Variants in STYXL1 observed in about 807,000 individuals in gnomAD.
STYXL1 encodes serine/threonine/tyrosine-interacting-like protein 1.
STYXL1 carries 32 observed loss-of-function variants against 36.4 expected under a neutral mutation model. That is an observed-to-expected ratio of 0.88 (90% CI 0.66 to 1.18). The LOEUF (loss-of-function observed/expected upper bound fraction) is 1.18. Among genes scored for constraint, STYXL1 ranks in the 50% most tolerant of loss-of-function variants. STYXL1 has a pLI of 0.00. For synonymous variants in STYXL1, 133 were observed against 144.1 expected, an observed-to-expected ratio of 0.92 and a Z score of 0.55; for missense variants, 354 against 394.1, an observed-to-expected ratio of 0.90 and a Z score of 0.86.
Position 76,035,330 on chromosome 7 carries a change from T to C in STYXL1, c.-4-4803A>G, listed in dbSNP as rs1188679586. 3.8e-5 allele frequency among the ~76,000 whole-genome samples: 5 copies of C among 130,646 alleles called. 1 individual carries two copies. Among genetic ancestry groups the C allele is most frequent in the African/African-American group, 1.3e-4 (5 of 37,880 alleles). 85.7% of individuals were successfully genotyped at this position (130,646 alleles called of 152,430 possible). Reference sequence around the variant, plus strand: ...TCTTTAAAATCTGAGTAGGGCCTTGTCTTCACCTCACTATCACCTGAAGTT... The same window carrying C: ...TCTTTAAAATCTGAGTAGGGCCTTGCCTTCACCTCACTATCACCTGAAGTT... On this transcript the variant is annotated intron_variant, in intron 1 of 8. Transcript: ENST00000359697.
chr7:76,034,841 C>CT (rs1554580390), intron 1 of STYXL1, among the ~76,000 whole-genome samples: 1 of 152,166 alleles, frequency 6.6e-6, no homozygotes, highest in Non-Finnish European at 1.5e-5. Flanking sequence ...GACCAACACT[C>CT]TAAGACCTAG....
chr7:76,022,051 G>A, intron 3 of STYXL1, 59 bp from the exon 4 acceptor site: 1 of 1,577,824 alleles, frequency 6.3e-7, no homozygotes. Flanking sequence ...GTTCGGTTGA[G>A]CAGAGACTCC....
chr7:76,000,884 G>A lies in STYXL1; in HGVS notation c.810+6C>T, dbSNP rs1052019892. 2.4e-5 allele frequency: 38 copies of A among 1,611,796 alleles called. No homozygotes were observed. The East Asian group carries it at 2.5e-4, about 10-fold the overall frequency. On this transcript the variant is annotated splice_donor_region_variant and intron_variant, in intron 8 of 8. Coordinates refer to ENST00000359697, the MANE Select transcript of STYXL1 (RefSeq NM_001317785.2). Reference sequence around the variant, plus strand: ...GTGGTGCGAGCCTGGCCCGGGGAACGCATACCTGCAAGGTCTGCTCGTTAC... The same window carrying A: ...GTGGTGCGAGCCTGGCCCGGGGAACACATACCTGCAAGGTCTGCTCGTTAC...
At chr7:76,026,579 G>T (rs555015032) in intron 3 of STYXL1, among the ~76,000 whole-genome samples, 1 of 152,214 alleles carries the variant, frequency 6.6e-6, no homozygotes, top group East Asian at 1.9e-4. Context: ...TCCATGCCCC[G>T]CCCAAAATTT....
In STYXL1 at chr7:76,028,697, C is replaced by A. The variant is rs181545305; in HGVS notation, c.110G>T (p.Arg37Leu). The A allele has an allele frequency of 2.5e-5, 41 of 1,613,916 alleles. No individual in the cohort carries two copies. Among genetic ancestry groups the A allele is most frequent in the Non-Finnish European group, 3.4e-5 (40 of 1,179,946 alleles). Residue 37 changes from arginine to leucine, a missense_variant, in exon 3 of 9, where the codon CGT (arginine) becomes CTT (leucine). Transcript: ENST00000359697. Reference sequence around the variant, plus strand: ...GCTTTCGTCATACTCCCATTTGGAACGGACATCTGGAAAGGAAACGTATTT... The same window carrying A: ...GCTTTCGTCATACTCCCATTTGGAAAGGACATCTGGAAAGGAAACGTATTT... ...DPNYLCLLDV[R>L]SKWEYDESHV... is the part of the protein sequence containing the mutation.
In STYXL1 at chr7:76,013,791, G is replaced by C. The variant is rs1554572994; in HGVS notation, c.404C>G (p.Ser135Ter). 2 of 1,613,948 alleles carry C rather than the reference G, an allele frequency of 1.2e-6. No individual in the cohort carries two copies. The highest frequency in any genetic ancestry group is 1.7e-5 in the Admixed American group (1 of 59,990). Residue 135 changes from serine to a stop codon, truncating the protein, a stop_gained, in exon 5 of 9, where the codon TCA becomes TGA. Coordinates refer to ENST00000359697, the MANE Select transcript of STYXL1 (RefSeq NM_001317785.2). LOFTEE classifies it high-confidence loss of function. ...GGTCCGGAGAAAGTGGTACGTGCCT[G>C]AGAAGCGCTCATAGCCCCCTTTCAG... ...YILKGGYERF[S>*]GTYHFLRTQK... is the part of the protein sequence containing the mutation.
chr7:76,023,431 A>T (rs533559265), intron 3 of STYXL1, among the ~76,000 whole-genome samples: 2 of 152,220 alleles, frequency 1.3e-5, no homozygotes, highest in South Asian at 2.1e-4. Flanking sequence ...TGGTGCAGTC[A>T]CCGCTCACTG....
At chr7:76,004,748 T>C (rs782097912) in intron 6 of STYXL1, among the ~76,000 whole-genome samples, 8 of 144,272 alleles carry the variant, frequency 5.5e-5, no homozygotes, top group Admixed American at 7.0e-5. Flanking sequence ...ATGCCTGTAA[T>C]CCCAGCACTT....
chr7:76,040,456 A>G (rs576436409), intron 1 of STYXL1, among the ~76,000 whole-genome samples: 1 of 152,276 alleles, frequency 6.6e-6, no homozygotes, highest in East Asian at 1.9e-4. Context: ...TGGCCAGTCC[A>G]ACACCTCCCG....
Position 76,005,901 on chromosome 7 carries a change from AGAG to A in STYXL1, c.454-500_454-498del, listed in dbSNP as rs1218252484. ...GAGGAGAGAGGAGGAGGAGGAGGAGAGAGGAGGAGGAGGAGGAGGAGGGAGGAG... is the reference window on the plus strand; with the variant it reads ...GAGGAGAGAGGAGGAGGAGGAGGAGAGAGGAGGAGGAGGAGGAGGGAGGAG... On this transcript the variant is annotated intron_variant, in intron 5 of 8. Coordinates refer to ENST00000359697, the MANE Select transcript of STYXL1 (RefSeq NM_001317785.2). 4.4e-3 allele frequency among the ~76,000 whole-genome samples: 172 copies of A among 39,244 alleles called. 2 individuals are homozygous for A. Among genetic ancestry groups the A allele is most frequent in the African/African-American group, 0.01 (122 of 11,916 alleles). The allele number at this position is 39,244 out of a possible 152,430, so 25.7% of individuals were successfully genotyped here.
chr7:76,019,777 C>G (rs1300352405), intron 4 of STYXL1, among the ~76,000 whole-genome samples: 1 of 151,948 alleles, frequency 6.6e-6, no homozygotes, highest in Non-Finnish European at 1.5e-5. Flanking sequence ...AGCCAAAGCT[C>G]ACCCCACAGG....
At chr7:76,030,325 A>C in intron 2 of STYXL1, 96 bp downstream of exon 2, 2 of 855,998 alleles carry the variant, frequency 2.3e-6, no homozygotes. Context: ...AAAGTCATTC[A>C]CTGCCCCCCA....
At chr7:76,032,619 T>C (rs782165244) in intron 1 of STYXL1, among the ~76,000 whole-genome samples, 30 of 152,288 alleles carry the variant, frequency 2.0e-4, no homozygotes, top group South Asian at 6.2e-4. Flanking sequence ...GGAGAATTTC[T>C]TGAACCTGGG....
At chr7:76,035,322 G>A (rs967338464) in intron 1 of STYXL1, among the ~76,000 whole-genome samples, 1 of 130,468 alleles carries the variant, frequency 7.7e-6, no homozygotes, top group African/African-American at 2.6e-5. Context: ...AATCTGAGTA[G>A]GGCCTTGTCT....
chr7:76,031,331 CAAAAAAAA>C (rs60550486), intron 1 of STYXL1, among the ~76,000 whole-genome samples: 30 of 42,302 alleles, frequency 7.1e-4, no homozygotes, highest in African/African-American at 2.2e-3. Context: ...ACTCTGTCTC[CAAAAAAAA>C]AAAAAAAAAA....
At chr7:76,027,239 G>A (rs868932015) in intron 3 of STYXL1, among the ~76,000 whole-genome samples, 1 of 152,008 alleles carries the variant, frequency 6.6e-6, no homozygotes, top group African/African-American at 2.4e-5. Flanking sequence ...AAAAGGTTTC[G>A]CTGCAGTAGG....
intron 1 of STYXL1, chr7:76,045,338 T>C (rs75508735): frequency 6.6e-6 from 1 of 152,198 alleles, no homozygotes; most frequent in Non-Finnish European, 1.5e-5. Flanking sequence ...ATTTTTTTTT[T>C]CCTGGGAATT....
chr7:76,017,520 G>T (rs1554574369), intron 4 of STYXL1, among the ~76,000 whole-genome samples: 1 of 151,910 alleles, frequency 6.6e-6, no homozygotes, highest in Admixed American at 6.6e-5. Context: ...GAAGCATATA[G>T]AAATAAAGAT....
chr7:76,037,837 G>A (rs1445624667), intron 1 of STYXL1, among the ~76,000 whole-genome samples: 1 of 149,826 alleles, frequency 6.7e-6, no homozygotes, highest in Non-Finnish European at 1.5e-5. Context: ...CCCAGGTAAG[G>A]GTCAGGGTCC....
Sources: gnomAD v4.1 joint callset for allele counts (sites outside exome capture counted in the v4.1 genomes callset) on GRCh38, gnomAD v4.1.1 for gene constraint, MANE v1.5 for transcripts, NCBI Gene and HGNC (gene_info 2026-07-23, HGNC 2026-07-21) for gene names.